The following PAK5 variants were observed in gnomAD, a reference collection of about 807,000 sequenced individuals.
PAK5 encodes the protein serine/threonine-protein kinase PAK 5.
A neutral mutation model predicts 65.9 loss-of-function variants in PAK5; 16 were observed. That is an observed-to-expected ratio of 0.24 (90% confidence interval 0.16 to 0.37). PAK5 has a LOEUF of 0.37. PAK5 is among the 10% of genes least tolerant of loss of function. PAK5 has a pLI of 1.00. For missense variants in PAK5, 785 were observed against 903.9 expected, an observed-to-expected ratio of 0.87 and a Z score of 1.69; for synonymous variants, 371 against 354.9, an observed-to-expected ratio of 1.05 and a Z score of -0.51.
chr20:9,699,616 G>A (rs1352969130), intron 2 of PAK5, among the ~76,000 whole-genome samples: 2 of 146,482 alleles, frequency 1.4e-5, no homozygotes, highest in Middle Eastern at 7.0e-3. Context: ...GAAGATGTGA[G>A]ATCAACATAT....
Position 9,775,206 on chromosome 20 carries a change from T to C in PAK5, c.-162+63556A>G, listed in dbSNP as rs1337433312. Among the ~76,000 whole-genome samples the C allele has an allele frequency of 2.6e-5, 4 of 152,264 alleles. No individual in the cohort carries two copies. In the East Asian group the frequency reaches 7.7e-4, roughly 29 times the overall value. On this transcript the variant is annotated intron_variant, in intron 1 of 9. Transcript: ENST00000353224. ...GTTATACATATTTATATATGTGTCA[T>C]AGGGCTATAAAATTTAGATCTATGC... is the stretch of plus-strand genomic sequence containing the variant.
intron 1 of PAK5, among the ~76,000 whole-genome samples, chr20:9,752,651 T>A (rs2048589939): frequency 6.6e-6 from 1 of 152,136 alleles, no homozygotes; most frequent in African/African-American, 2.4e-5. Flanking sequence ...TTAAAAAATT[T>A]AAAAATAAGA....
chr20:9,704,521 T>G (rs2047981214), intron 2 of PAK5, among the ~76,000 whole-genome samples: 1 of 152,136 alleles, frequency 6.6e-6, no homozygotes, highest in Admixed American at 6.6e-5. Flanking sequence ...TTTATTTTTA[T>G]CCCAATTTAC....
intron 5 of PAK5, among the ~76,000 whole-genome samples, chr20:9,565,581 G>A (rs1029475067): frequency 1.3e-5 from 2 of 152,110 alleles, no homozygotes; most frequent in African/African-American, 2.4e-5. Context: ...ACCCTGAGCC[G>A]GATCTCTTAA....
At chr20:9,608,307 A>C (rs1217239325) in intron 3 of PAK5, among the ~76,000 whole-genome samples, 1 of 152,256 alleles carries the variant, frequency 6.6e-6, no homozygotes, top group Non-Finnish European at 1.5e-5. Flanking sequence ...TAATAGATTC[A>C]GGACATAAAG....
chr20:9,543,036 T>C (rs1210968350), intron 8 of PAK5, among the ~76,000 whole-genome samples: 1 of 152,184 alleles, frequency 6.6e-6, no homozygotes, highest in African/African-American at 2.4e-5. Flanking sequence ...GAGAAAATCA[T>C]CCGGTTTAAT....
intron 4 of PAK5, among the ~76,000 whole-genome samples, chr20:9,568,045 C>T (rs1368430710): frequency 1.3e-5 from 2 of 152,134 alleles, no homozygotes; most frequent in African/African-American, 4.8e-5. Flanking sequence ...AGACGCTCAG[C>T]TATAGTGGAG....
chr20:9,643,584 G>A (rs780400867), intron 3 of PAK5, among the ~76,000 whole-genome samples: 6 of 151,838 alleles, frequency 4.0e-5, no homozygotes, highest in Non-Finnish European at 5.9e-5. Flanking sequence ...AAATATGTGC[G>A]TATATGTTTG....
chr20:9,834,168 T>C (rs1978965160), intron 1 of PAK5, among the ~76,000 whole-genome samples: 1 of 152,244 alleles, frequency 6.6e-6, no homozygotes, highest in Non-Finnish European at 1.5e-5. Context: ...CATTAAATGC[T>C]ATTTTACTGT....
rs768724288 is a variant in PAK5 at position 9,566,114 on chromosome 20, C to A, written c.1261G>T (p.Asp421Tyr). 6.2e-7 allele frequency: 1 copy of A among 1,613,580 alleles called. No individual in the cohort carries two copies. The highest frequency in any genetic ancestry group is 1.7e-5 in the Admixed American group (1 of 59,978). ...YPPPSWGSSSDQQPSRVSHEQ... is the reference protein window; with the variant it reads ...YPPPSWGSSSYQQPSRVSHEQ... ...TGGGACACCCTGGAGGGCTGCTGGT[C>A]GGAGGAGGAGCCCCAGCTGGGCGGC... The change falls in exon 5 of 10, where the codon GAC (aspartate) becomes TAC (tyrosine). Residue 421 changes from aspartate to tyrosine, a missense_variant. Asp to Tyr is a radical substitution (Grantham distance 160). Around this residue, in one of 4 missense-constraint regions of PAK5, gnomAD observed 182 missense variants for 273.0 expected, o/e 0.67. Transcript: ENST00000353224.
chr20:9,680,424 A>C (rs1165269920), intron 2 of PAK5, among the ~76,000 whole-genome samples: 1 of 152,208 alleles, frequency 6.6e-6, no homozygotes, highest in African/African-American at 2.4e-5. Context: ...CAGCCAGTGC[A>C]GAGCATATTT....
chr20:9,579,542 AG>A (rs1417508759), intron 4 of PAK5, among the ~76,000 whole-genome samples: 2 of 152,236 alleles, frequency 1.3e-5, no homozygotes, highest in African/African-American at 2.4e-5. Flanking sequence ...CAAAGTGAAA[AG>A]GGGACAAAAA....
intron 2 of PAK5, among the ~76,000 whole-genome samples, chr20:9,683,977 G>A (rs545224580): frequency 2.3e-4 from 35 of 152,326 alleles, no homozygotes; most frequent in African/African-American, 7.9e-4. Flanking sequence ...TCACATGCCA[G>A]TTGAATAGAT....
chr20:9,724,813 G>A (rs891415179), intron 1 of PAK5, among the ~76,000 whole-genome samples: 56 of 151,938 alleles, frequency 3.7e-4, no homozygotes, highest in Admixed American at 7.2e-4. Context: ...ATGAAAGAAT[G>A]AAAAAGACCT....
At chr20:9,608,247 T>C (rs1403607839) in intron 3 of PAK5, among the ~76,000 whole-genome samples, 1 of 152,200 alleles carries the variant, frequency 6.6e-6, no homozygotes, top group Non-Finnish European at 1.5e-5. Flanking sequence ...CTATAGCAGG[T>C]AGGTAACACA....
chr20:9,618,098 A>G (rs1440080224), intron 3 of PAK5, among the ~76,000 whole-genome samples: 2 of 152,200 alleles, frequency 1.3e-5, no homozygotes, highest in East Asian at 3.9e-4. Context: ...TAAGCATGTG[A>G]CAAATAGGCT....
At position 9,562,538 on chromosome 20, in the gene PAK5, C is replaced by A. The variant is rs529642349; in HGVS notation, c.1616+353G>T. 2.0e-5 allele frequency among the ~76,000 whole-genome samples: 3 copies of A among 152,280 alleles called. No individual in the cohort carries two copies. The South Asian group carries it at 6.2e-4, about 32-fold the overall frequency. Reference sequence around the variant, plus strand: ...TTCCTTCCCCTGGTATCCTTGGTGTCTTAGCATGCAGCAATGGTAGAGTAA... The same window carrying A: ...TTCCTTCCCCTGGTATCCTTGGTGTATTAGCATGCAGCAATGGTAGAGTAA... On this transcript the variant is annotated intron_variant, in intron 6 of 9. Transcript: ENST00000353224.
At chr20:9,620,959 AAGAGAGAG>A (rs71803029) in intron 3 of PAK5, among the ~76,000 whole-genome samples, 13 of 147,154 alleles carry the variant, frequency 8.8e-5, no homozygotes, top group South Asian at 6.6e-4. Context: ...GAGAGAGAGA[AAGAGAGAG>A]AGAGAGAGAG....
chr20:9,704,756 A>G (rs2047984652), intron 2 of PAK5, among the ~76,000 whole-genome samples: 1 of 152,170 alleles, frequency 6.6e-6, no homozygotes, highest in Non-Finnish European at 1.5e-5. Context: ...CAGCAAGACA[A>G]AGTGAGACGT....
Sources: gnomAD v4.1 joint callset for allele counts (sites outside exome capture counted in the v4.1 genomes callset) on GRCh38, gnomAD v4.1.1 for gene constraint, gnomAD v4.1.1 regional missense constraint, MANE v1.5 for transcripts, NCBI Gene and HGNC (gene_info 2026-07-23, HGNC 2026-07-21) for gene names.